The following SLC4A5 variants were observed in gnomAD, a reference collection of about 807,000 sequenced individuals.
SLC4A5 encodes the protein electrogenic sodium bicarbonate cotransporter 4.
SLC4A5 carries 96 observed loss-of-function variants against 120.4 expected under a neutral mutation model. The ratio of observed to expected loss-of-function variants is 0.80; its 90% CI spans 0.68 to 0.94. The LOEUF is 0.94. SLC4A5 is among the 40% of genes least tolerant of loss of function. SLC4A5 has a pLI of 0.00. For missense variants in SLC4A5, 1,259 were observed against 1,459.5 expected, an observed-to-expected ratio of 0.86 and a Z score of 2.24; for synonymous variants, 550 against 571.1, an observed-to-expected ratio of 0.96 and a Z score of 0.53.
chr2:74,233,339 T>C, intron 23 of SLC4A5, 63 bp downstream of exon 23: 1 of 1,584,290 alleles, frequency 6.3e-7, no homozygotes, highest in Non-Finnish European at 8.7e-7. Flanking sequence ...ATGTCCTTCC[T>C]TCGCTCTTTC....
At chr2:74,300,438 T>C (rs1354445745) in intron 7 of SLC4A5, among the ~76,000 whole-genome samples, 2 of 152,234 alleles carry the variant, frequency 1.3e-5, no homozygotes, top group Non-Finnish European at 2.9e-5. Context: ...AAATCATGTT[T>C]TATACCTTAA....
chr2:74,223,246 C>T (rs1001223816), intron 28 of SLC4A5, among the ~76,000 whole-genome samples: 1 of 152,012 alleles, frequency 6.6e-6, no homozygotes, highest in Non-Finnish European at 1.5e-5. Flanking sequence ...CCTTGTGATC[C>T]CCCCTGCCTC....
chr2:74,307,557 T>C, intron 6 of SLC4A5: 1 of 651,170 alleles, frequency 1.5e-6, no homozygotes. Flanking sequence ...ACTGTCGATC[T>C]GCACAATGTG....
At chr2:74,259,643 C>T (rs770436569) in exon 12 of SLC4A5, 1 of 1,614,162 alleles carries the variant, frequency 6.2e-7, no homozygotes, top group Admixed American at 1.7e-5. Context: ...CTGGGCATGA[C>T]CTAGGAGAAA....
At chr2:74,218,249 G>A (rs1287552769) in exon 31 of SLC4A5, 1 of 152,052 alleles carries the variant, frequency 6.6e-6, no homozygotes, top group Middle Eastern at 3.2e-3. Context: ...GTTTGTTTGA[G>A]AACATCTATA....
At chr2:74,284,627 C>G (rs1042981915) in intron 8 of SLC4A5, among the ~76,000 whole-genome samples, 3 of 152,124 alleles carry the variant, frequency 2.0e-5, no homozygotes, top group Non-Finnish European at 2.9e-5. Context: ...GAAGGTCCCT[C>G]CCGCTGCCTC....
chr2:74,265,391 C>T (rs569576149), intron 8 of SLC4A5, 127 bp from the exon 9 acceptor site: 8 of 1,113,112 alleles, frequency 7.2e-6, no homozygotes, highest in Non-Finnish European at 1.0e-5. Flanking sequence ...TGGTCCCAGA[C>T]TCACAGGCAG....
At chr2:74,298,309 T>C (rs1672388090) in intron 7 of SLC4A5, among the ~76,000 whole-genome samples, 2 of 152,182 alleles carry the variant, frequency 1.3e-5, no homozygotes. Context: ...GTGGTAAGAA[T>C]ACACAAGGTG....
intron 4 of SLC4A5, among the ~76,000 whole-genome samples, chr2:74,330,315 G>A (rs999594493): frequency 1.3e-5 from 2 of 151,376 alleles, no homozygotes; most frequent in South Asian, 2.1e-4. Context: ...GTGAGGTATA[G>A]GTGAGGGTGG....
intron 22 of SLC4A5, among the ~76,000 whole-genome samples, chr2:74,234,075 A>T (rs896489889): frequency 6.7e-6 from 1 of 149,718 alleles, no homozygotes; most frequent in Non-Finnish European, 1.5e-5. Flanking sequence ...AAACAAACAA[A>T]CAACAACAAA....
intron 8 of SLC4A5, among the ~76,000 whole-genome samples, chr2:74,284,616 C>T (rs9309481): frequency 0.3 from 45,243 of 151,922 alleles, 9,215 homozygotes; most frequent in East Asian, 0.74. Flanking sequence ...TCTTCCTGTC[C>T]GAAGGTCCCT....
intron 8 of SLC4A5, 146 bp from the exon 9 acceptor site, chr2:74,265,410 T>G: frequency 2.2e-6 from 2 of 922,696 alleles, no homozygotes; most frequent in East Asian, 2.5e-5. Flanking sequence ...AGAGGATCTC[T>G]TGGGGATCCC....
chr2:74,267,239 G>A (rs1285438366), intron 8 of SLC4A5, among the ~76,000 whole-genome samples: 2 of 152,176 alleles, frequency 1.3e-5, no homozygotes, highest in Non-Finnish European at 2.9e-5. Flanking sequence ...TCCTGGTGTG[G>A]GCAGCCTGTT....
chr2:74,229,708 G>A (rs1694992086), intron 25 of SLC4A5, among the ~76,000 whole-genome samples: 3 of 152,168 alleles, frequency 2.0e-5, no homozygotes, highest in African/African-American at 4.8e-5. Context: ...CCTCCTGTGT[G>A]TAATTTGTTT....
At chr2:74,252,888 T>C (rs776996214) in intron 15 of SLC4A5, 86 bp downstream of exon 15, 34 of 1,499,142 alleles carry the variant, frequency 2.3e-5, no homozygotes, top group Non-Finnish European at 3.1e-5. Context: ...ATGCTGAGCC[T>C]CAGATGTATT....
chr2:74,252,061 G>C, intron 16 of SLC4A5, 118 bp downstream of exon 16: 1 of 1,108,412 alleles, frequency 9.0e-7, no homozygotes, highest in Non-Finnish European at 1.3e-6. Context: ...AGGGAAAGAA[G>C]GCAGGGGTGA....
At chr2:74,219,246 C>T (rs192011909) in intron 30 of SLC4A5, among the ~76,000 whole-genome samples, 202 of 148,608 alleles carry the variant, frequency 1.4e-3, no homozygotes, top group African/African-American at 4.6e-3. Context: ...AATGGTACTT[C>T]GGGCCTGTGT....
chr2:74,329,455 G>A (rs1256953562), intron 4 of SLC4A5, among the ~76,000 whole-genome samples: 1 of 152,172 alleles, frequency 6.6e-6, no homozygotes, highest in Non-Finnish European at 1.5e-5. Context: ...CAGATGTGGT[G>A]GTACATGCCT....
intron 4 of SLC4A5, among the ~76,000 whole-genome samples, chr2:74,333,173 C>T (rs1285331023): frequency 6.6e-6 from 1 of 152,138 alleles, no homozygotes; most frequent in Non-Finnish European, 1.5e-5. Context: ...GTACTTCTGG[C>T]CTCTAGTGGG....
Sources: allele counts gnomAD v4.1 joint callset (sites outside exome capture counted in the v4.1 genomes callset), GRCh38; gene constraint gnomAD v4.1.1; transcripts MANE v1.5; gene names NCBI Gene and HGNC (gene_info 2026-07-23, HGNC 2026-07-21).